Variants in MEIS1 observed in about 807,000 individuals in gnomAD.
MEIS1 encodes Meis homeobox 1.
Under a neutral mutation model 50.8 loss-of-function variants are expected in MEIS1, and 5 were observed. The ratio of observed to expected loss-of-function variants is 0.10; its 90% CI spans 0.05 to 0.21. MEIS1 has a LOEUF of 0.21. Among genes scored for constraint, MEIS1 ranks in the 10% least tolerant of loss-of-function variants. The pLI, the probability that MEIS1 is intolerant of heterozygous loss-of-function variation, is 1.00. For synonymous variants in MEIS1, 176 were observed against 179.3 expected (o/e 0.98, Z 0.15); for missense variants, 318 against 517.3 (o/e 0.61, Z 3.74).
intron 7 of MEIS1, among the ~76,000 whole-genome samples, chr2:66,491,633 T>A (rs1286102926): frequency 1.3e-5 from 2 of 152,136 alleles, no homozygotes; most frequent in African/African-American, 4.8e-5. Flanking sequence ...GTTTTGCATT[T>A]AAAAAAATTA....
chr2:66,516,824 GGTTTC>G (rs1673983577), intron 8 of MEIS1, among the ~76,000 whole-genome samples: 1 of 152,118 alleles, frequency 6.6e-6, no homozygotes, highest in Non-Finnish European at 1.5e-5. Context: ...TTGTTTCATT[GGTTTC>G]GTTTTTAGTA....
Position 66,442,846 on chromosome 2 carries a change from T to A in MEIS1, c.484-56T>A, listed in dbSNP as rs941100903. On this transcript the variant is annotated intron_variant, in intron 5 of 12. Coordinates refer to ENST00000272369, the MANE Select transcript of MEIS1 (RefSeq NM_002398.3). ...AAGGGGGGTGGATTGCACTTGTCAA[T>A]GTCATTTATGCACTCCTGATTATAT... 1.9e-5 allele frequency: 28 copies of A among 1,483,670 alleles called. No individual in the cohort carries two copies. The African/African-American group carries it at 4.1e-4, about 22-fold the overall frequency. 91.9% of individuals were successfully genotyped at this position (1,483,670 alleles called of 1,614,324 possible). A position where few individuals can be genotyped will look rare whatever the true frequency, so the allele number is the denominator to read the frequency against.
chr2:66,549,641 A>G lies in MEIS1; in HGVS notation c.965+1622A>G, dbSNP rs112359659. Among the ~76,000 whole-genome samples, 4 of 152,170 alleles carry G rather than the reference A, an allele frequency of 2.6e-5. 1 individual carries two copies. The highest frequency in any genetic ancestry group is 5.9e-5 in the Non-Finnish European group (4 of 68,034). On this transcript the variant is annotated intron_variant, in intron 9 of 12. Transcript: ENST00000272369. Reference sequence around the variant, plus strand: ...TAAAGCTGATGTTGAGACAGTTTTAATACAATGGAGGCTGCACAAATGTCC... The same window carrying G: ...TAAAGCTGATGTTGAGACAGTTTTAGTACAATGGAGGCTGCACAAATGTCC...
At chr2:66,457,447 C>T (rs1307212138) in intron 6 of MEIS1, among the ~76,000 whole-genome samples, 1 of 152,136 alleles carries the variant, frequency 6.6e-6, no homozygotes, top group Non-Finnish European at 1.5e-5. Context: ...CATCCCCATT[C>T]CCCAGCTTCA....
chr2:66,562,944 G>C (rs1675253882), intron 9 of MEIS1, among the ~76,000 whole-genome samples: 1 of 152,066 alleles, frequency 6.6e-6, no homozygotes. Context: ...AAGCAAACGA[G>C]ACATTTTCTA....
chr2:66,437,442 CTCTTTCTT>C, intron 1 of MEIS1: 1 of 414,838 alleles, frequency 2.4e-6, no homozygotes, highest in Non-Finnish European at 4.4e-6. Flanking sequence ...TTCTCTTTCT[CTCTTTCTT>C]TCTTCTTTCC....
chr2:66,452,093 T>C (rs1039847892), intron 6 of MEIS1, among the ~76,000 whole-genome samples: 4 of 151,940 alleles, frequency 2.6e-5, no homozygotes, highest in Admixed American at 2.0e-4. Flanking sequence ...ACAGAAACTT[T>C]AGCAGTACAA....
At chr2:66,443,354 G>A (rs1305244112) in intron 6 of MEIS1, 5 of 293,254 alleles carry the variant, frequency 1.7e-5, no homozygotes, top group Non-Finnish European at 3.1e-5. Context: ...TTAACTGCCA[G>A]TGACCGCCTC....
intron 7 of MEIS1, among the ~76,000 whole-genome samples, chr2:66,474,916 A>G (rs1672852640): frequency 6.6e-6 from 1 of 152,034 alleles, no homozygotes; most frequent in African/African-American, 2.4e-5. Flanking sequence ...AAAAATGTAT[A>G]TTTTTAAGAA....
chr2:66,523,774 G>T (rs754558467), intron 8 of MEIS1, among the ~76,000 whole-genome samples: 1 of 152,226 alleles, frequency 6.6e-6, no homozygotes, highest in Non-Finnish European at 1.5e-5. Flanking sequence ...AACATGTCAC[G>T]TAGGTTGACT....
At chr2:66,528,999 A>G (rs553307623) in intron 8 of MEIS1, among the ~76,000 whole-genome samples, 1 of 152,156 alleles carries the variant, frequency 6.6e-6, no homozygotes, top group South Asian at 2.1e-4. Context: ...TGCACCTTAC[A>G]TGCTGTTCCC....
Position 66,565,281 on chromosome 2 carries a change from A to ACT in MEIS1, c.966-2157_966-2156dup, listed in dbSNP as rs139817451. ...ACAGATAAATCAAGTCACTGTATTC[A>ACT]CTCTCTCTCTCTCTCTTTGAATAGC... On this transcript the variant is annotated intron_variant, in intron 9 of 12. Coordinates refer to ENST00000272369, the MANE Select transcript of MEIS1 (RefSeq NM_002398.3). Among the ~76,000 whole-genome samples the ACT allele has an allele frequency of 2.6e-3, 388 of 150,888 alleles. 3 individuals are homozygous for ACT. The highest frequency in any genetic ancestry group is 2.5e-3 in the Non-Finnish European group (166 of 67,580).
intron 8 of MEIS1, among the ~76,000 whole-genome samples, chr2:66,526,744 A>T (rs1674260014): frequency 1.3e-5 from 2 of 152,248 alleles, no homozygotes; most frequent in African/African-American, 4.8e-5. Flanking sequence ...AATAAAATAA[A>T]GGCATTGCTT....
At chr2:66,536,467 G>A (rs1040441264) in intron 8 of MEIS1, among the ~76,000 whole-genome samples, 7 of 152,088 alleles carry the variant, frequency 4.6e-5, no homozygotes, top group Non-Finnish European at 8.8e-5. Context: ...AATTATACCC[G>A]TAGCAATGCA....
At chr2:66,454,349 G>T (rs1672339943) in intron 6 of MEIS1, among the ~76,000 whole-genome samples, 1 of 151,870 alleles carries the variant, frequency 6.6e-6, no homozygotes, top group African/African-American at 2.4e-5. Flanking sequence ...TTATTATGAG[G>T]GGTCAATTTT....
At chr2:66,466,567 C>T (rs536116939) in intron 7 of MEIS1, among the ~76,000 whole-genome samples, 4 of 152,330 alleles carry the variant, frequency 2.6e-5, no homozygotes, top group South Asian at 2.1e-4. Context: ...GTGCAGCCTT[C>T]GGATTAACTG....
chr2:66,449,944 C>T (rs1366133197), intron 6 of MEIS1, among the ~76,000 whole-genome samples: 1 of 152,130 alleles, frequency 6.6e-6, no homozygotes, highest in East Asian at 1.9e-4. Context: ...TATTTATACA[C>T]ATATTGAATT....
intron 7 of MEIS1, among the ~76,000 whole-genome samples, chr2:66,508,182 A>G (rs1012844759): frequency 3.3e-5 from 5 of 152,142 alleles, no homozygotes; most frequent in Non-Finnish European, 7.3e-5. Context: ...GTTTTTTTAA[A>G]TAGTGTCTTG....
intron 8 of MEIS1, among the ~76,000 whole-genome samples, chr2:66,531,369 T>C (rs1045380952): frequency 6.6e-6 from 1 of 152,238 alleles, no homozygotes; most frequent in Non-Finnish European, 1.5e-5. Context: ...AGATGACTCA[T>C]GTGAAGTCTC....
Sources: gnomAD v4.1 joint callset for allele counts (sites outside exome capture counted in the v4.1 genomes callset) on GRCh38, gnomAD v4.1.1 for gene constraint, MANE v1.5 for transcripts, NCBI Gene and HGNC (gene_info 2026-07-23, HGNC 2026-07-21) for gene names.